The following RPIA variants were observed in gnomAD, a reference collection of about 807,000 sequenced individuals.
RPIA encodes the protein ribose-5-phosphate isomerase.
In RPIA, 29 loss-of-function variants were observed where a neutral mutation model predicts 37.8. That is an observed-to-expected ratio of 0.77 (90% CI 0.57 to 1.05). The LOEUF is 1.05. Among genes scored for constraint, RPIA ranks in the 50% least tolerant of loss-of-function variants. The pLI, the probability that RPIA is intolerant of heterozygous loss-of-function variation, is 0.00. For missense variants in RPIA, 385 were observed against 413.6 expected (o/e 0.93, Z 0.60); for synonymous variants, 167 against 157.0 (o/e 1.06, Z -0.48).
chr2:88,705,594 A>G (rs1224661837), intron 3 of RPIA, among the ~76,000 whole-genome samples: 1 of 152,216 alleles, frequency 6.6e-6, no homozygotes, highest in East Asian at 1.9e-4. Flanking sequence ...AAAACCCTAG[A>G]AAATGAAAAA....
intron 3 of RPIA, among the ~76,000 whole-genome samples, chr2:88,718,252 C>T (rs576360667): frequency 6.6e-6 from 1 of 152,174 alleles, no homozygotes; most frequent in South Asian, 2.1e-4. Context: ...CTCTAGTTTC[C>T]CATTTTTACT....
intron 4 of RPIA, 32 bp downstream of exon 4, chr2:88,729,369 G>C (rs371893786): frequency 6.9e-6 from 11 of 1,602,732 alleles, no homozygotes; most frequent in Admixed American, 1.7e-5. Context: ...AGACCACTGC[G>C]TATTTCTTTC....
rs768394474 is a variant in RPIA at position 88,691,844 on chromosome 2, C to T, written c.146C>T (p.Ser49Phe). Residue 49 changes from serine (S) to phenylalanine (F), a missense_variant, in exon 1 of 9, where the codon TCT (serine) becomes TTT (phenylalanine). Ser to Phe is a radical substitution (Grantham distance 155). This residue lies in a region of RPIA where 232 missense variants were observed against 203.0 expected (regional missense o/e 1.14). Transcript: ENST00000283646. ...GTGCGGCTGCCGGGGCGTGCACAGT[C>T]TGGGACCCGTGGCGGTGCTGGCAAC... ...SHVRLPGRAQ[S>F]GTRGGAGNTS... is the part of the protein sequence containing the mutation. 2.0e-5 allele frequency: 32 copies of T among 1,598,334 alleles called. No individual in the cohort carries two copies. The African/African-American group carries it at 3.1e-4, about 15-fold the overall frequency.
At chr2:88,696,684 T>G (rs1190537081) in intron 1 of RPIA, among the ~76,000 whole-genome samples, 1 of 152,194 alleles carries the variant, frequency 6.6e-6, no homozygotes, top group Non-Finnish European at 1.5e-5. Flanking sequence ...CATAGGTGTC[T>G]TAGTCCATTT....
intron 8 of RPIA, among the ~76,000 whole-genome samples, chr2:88,744,039 C>T (rs575469267): frequency 6.6e-6 from 1 of 151,810 alleles, no homozygotes; most frequent in East Asian, 1.9e-4. Flanking sequence ...TATTTCTTTT[C>T]TTCTGTTGGG....
rs1672787060 is a variant in RPIA at position 88,698,491 on chromosome 2, A to G, written c.293A>G (p.Gln98Arg). The G allele has an allele frequency of 6.2e-7, 1 of 1,614,090 alleles. No individual in the cohort carries two copies. The highest frequency in any genetic ancestry group is 1.3e-5 in the African/African-American group (1 of 74,940). The change falls in exon 2 of 9, where the codon CAA becomes CGA. Residue 98 changes from glutamine (Q) to arginine (R), a missense_variant. Gln to Arg is a conservative substitution (Grantham distance 43). Around this residue, in one of 2 missense-constraint regions of RPIA, gnomAD observed 232 missense variants for 203.0 expected, o/e 1.14. Coordinates refer to ENST00000283646, the MANE Select transcript of RPIA (RefSeq NM_144563.3). ...AAVENHVRNN[Q>R]VLGIGSGSTI... is the part of the protein sequence containing the mutation. ...TTCCCCGTTTTTTGGCAGAATAACC[A>G]AGTGCTGGGAATTGGAAGTGGTTCT...
rs1347074630 is a variant in RPIA, at chr2:88,729,356, G to T, written c.462+19G>T. On this transcript the variant is annotated intron_variant, in intron 4 of 8. Coordinates refer to ENST00000283646, the MANE Select transcript of RPIA (RefSeq NM_144563.3). ...CCCAGAGGTAAGATTGCCACTCAGA[G>T]GCAGACCACTGCGTATTTCTTTCCG... The T allele has an allele frequency of 6.2e-7, 1 of 1,611,564 alleles. No individual in the cohort carries two copies. Among genetic ancestry groups the T allele is most frequent in the Non-Finnish European group, 8.5e-7 (1 of 1,177,756 alleles).
At chr2:88,745,645 T>C (rs1358914622) in intron 8 of RPIA, among the ~76,000 whole-genome samples, 1 of 152,256 alleles carries the variant, frequency 6.6e-6, no homozygotes, top group African/African-American at 2.4e-5. Context: ...CTGAGAAATC[T>C]GCTGTTAATT....
rs539129000 is a variant in RPIA at position 88,703,105 on chromosome 2, G to A, written c.402+3041G>A. Among the ~76,000 whole-genome samples, 4 of 152,306 alleles carry A rather than the reference G, an allele frequency of 2.6e-5. No individual in the cohort carries two copies. In the South Asian group the frequency reaches 8.3e-4, roughly 32 times the overall value. The stretch of plus-strand genomic sequence containing the variant: ...TAGAGGTGGGTGCCCATGGTCTTGG[G>A]CAGTTCCCTTCCTGTGGCTTTGCAG... On this transcript the variant is annotated intron_variant, in intron 3 of 8. Transcript: ENST00000283646.
chr2:88,699,622 A>G (rs994137569), intron 2 of RPIA, among the ~76,000 whole-genome samples: 2 of 152,218 alleles, frequency 1.3e-5, no homozygotes, highest in Admixed American at 6.5e-5. Flanking sequence ...TATTAGCAGT[A>G]TAACTACCGA....
intron 3 of RPIA, among the ~76,000 whole-genome samples, chr2:88,706,633 A>C (rs1333185637): frequency 6.6e-6 from 1 of 152,054 alleles, no homozygotes; most frequent in Non-Finnish European, 1.5e-5. Flanking sequence ...GGGTTGATAG[A>C]TGCAGCAAAC....
In RPIA at chr2:88,698,597, A is replaced by G. The variant is rs1368021479; in HGVS notation, c.346+53A>G. 4.6e-6 allele frequency: 7 copies of G among 1,533,018 alleles called. No homozygotes were observed. In the East Asian group the frequency reaches 1.1e-4, roughly 25 times the overall value. The allele number at this position is 1,533,018 out of a possible 1,614,324, so 95.0% of individuals were successfully genotyped here. ...TTTTGTGTGTGATGATGGGGTAGGG[A>G]GGTAGAGGAGAGGGAGGAAGTGGCA... On this transcript the variant is annotated intron_variant, in intron 2 of 8. Coordinates refer to ENST00000283646, the MANE Select transcript of RPIA (RefSeq NM_144563.3).
intron 8 of RPIA, among the ~76,000 whole-genome samples, chr2:88,741,198 C>T (rs893521204): frequency 1.3e-5 from 2 of 152,152 alleles, no homozygotes; most frequent in African/African-American, 4.8e-5. Flanking sequence ...ATAGTCTTTT[C>T]TCCCTTGTCC....
At chr2:88,713,084 C>T (rs1427271007) in intron 3 of RPIA, among the ~76,000 whole-genome samples, 5 of 98,144 alleles carry the variant, frequency 5.1e-5, no homozygotes, top group Non-Finnish European at 9.4e-5. Flanking sequence ...TTGGCCATGA[C>T]GTTTTGGATG....
At chr2:88,749,798 G>A (rs759252714) in intron 8 of RPIA, among the ~76,000 whole-genome samples, 183 bp from the exon 9 acceptor site, 10 of 151,944 alleles carry the variant, frequency 6.6e-5, no homozygotes, top group Non-Finnish European at 1.5e-4. Context: ...GGAGAAAGAG[G>A]TGGCAAGAAG....
chr2:88,747,623 A>G (rs1673454941), intron 8 of RPIA, among the ~76,000 whole-genome samples: 1 of 151,978 alleles, frequency 6.6e-6, no homozygotes, highest in African/African-American at 2.4e-5. Context: ...CAAGCTGGGG[A>G]CTGGAAGTGT....
intron 4 of RPIA, among the ~76,000 whole-genome samples, chr2:88,733,811 A>G (rs922880380): frequency 1.3e-5 from 2 of 152,230 alleles, no homozygotes; most frequent in African/African-American, 4.8e-5. Context: ...GTCCATGCAG[A>G]GTACCATGAG....
intron 5 of RPIA, among the ~76,000 whole-genome samples, chr2:88,735,104 A>G (rs1673299133): frequency 1.3e-5 from 2 of 152,224 alleles, no homozygotes; most frequent in Admixed American, 6.5e-5. Context: ...GCTGGTTCTT[A>G]TAATCAAGCA....
intron 3 of RPIA, among the ~76,000 whole-genome samples, chr2:88,707,579 C>T (rs1672913350): frequency 6.6e-6 from 1 of 152,192 alleles, no homozygotes; most frequent in African/African-American, 2.4e-5. Flanking sequence ...CACATTCTCC[C>T]TGGTAACATT....
Sources: gnomAD v4.1 joint callset for allele counts (sites outside exome capture counted in the v4.1 genomes callset) on GRCh38, gnomAD v4.1.1 for gene constraint, gnomAD v4.1.1 regional missense constraint, MANE v1.5 for transcripts, NCBI Gene and HGNC (gene_info 2026-07-23, HGNC 2026-07-21) for gene names.